Variants in GRID1 observed in about 807,000 individuals in gnomAD.
GRID1 encodes glutamate receptor ionotropic, delta-1.
In GRID1, 28 loss-of-function variants were observed where a neutral mutation model predicts 98.0. The ratio of observed to expected loss-of-function variants is 0.29; its 90% CI spans 0.21 to 0.39. GRID1 has a LOEUF of 0.39. GRID1 is among the 10% of genes least tolerant of loss of function. The pLI is 1.00. For missense variants in GRID1, 1,111 were observed against 1,340.5 expected (o/e 0.83, Z 2.67); for synonymous variants, 553 against 538.5 (o/e 1.03, Z -0.37).
At chr10:86,135,587 G>T (rs1844912407) in intron 4 of GRID1, among the ~76,000 whole-genome samples, 1 of 152,142 alleles carries the variant, frequency 6.6e-6, no homozygotes, top group African/African-American at 2.4e-5. Flanking sequence ...ACTGAGCGAG[G>T]GATGTGAGGG....
At chr10:85,807,971 G>C (rs77602574) in intron 8 of GRID1, among the ~76,000 whole-genome samples, 5,032 of 152,138 alleles carry the variant, frequency 0.033, 127 homozygotes, top group Non-Finnish European at 0.047. Context: ...GAGTTTAAAA[G>C]TAAAGCCCAG....
At chr10:85,873,767 T>A (rs1026157890) in intron 5 of GRID1, among the ~76,000 whole-genome samples, 1 of 152,228 alleles carries the variant, frequency 6.6e-6, no homozygotes, top group African/African-American at 2.4e-5. Flanking sequence ...TTTCTCAAAC[T>A]TCGTTGTGTA....
At chr10:86,021,463 T>C (rs1258928117) in intron 4 of GRID1, among the ~76,000 whole-genome samples, 4 of 152,174 alleles carry the variant, frequency 2.6e-5, no homozygotes, top group African/African-American at 9.7e-5. Flanking sequence ...TTTTGTTTGT[T>C]TGTTTCATTA....
intron 4 of GRID1, among the ~76,000 whole-genome samples, chr10:85,984,705 A>G (rs1842588461): frequency 6.6e-6 from 1 of 152,224 alleles, no homozygotes; most frequent in South Asian, 2.1e-4. Context: ...AGAGAGGCTC[A>G]GGAAGGGGAA....
intron 2 of GRID1, among the ~76,000 whole-genome samples, chr10:86,337,768 C>T (rs1263753772): frequency 8.4e-6 from 1 of 118,886 alleles, no homozygotes; most frequent in Non-Finnish European, 1.6e-5. Flanking sequence ...AGTGCAGTGA[C>T]ATGATCTCGG....
intron 14 of GRID1, among the ~76,000 whole-genome samples, chr10:85,614,055 C>T (rs2132514933): frequency 6.6e-6 from 1 of 152,326 alleles, no homozygotes; most frequent in East Asian, 1.9e-4. Flanking sequence ...TTCTTTTGAG[C>T]TTTCATTACT....
Position 85,762,557 on chromosome 10 carries a change from G to C in GRID1, c.1234-32943C>G, listed in dbSNP as rs191098073. ...TTGCTCCCCAGTCTGCCCCAATGTGGGAACTGTGCCTCAATCAGCTTTCTC... is the reference window on the plus strand; with the variant it reads ...TTGCTCCCCAGTCTGCCCCAATGTGCGAACTGTGCCTCAATCAGCTTTCTC... On this transcript the variant is annotated intron_variant, in intron 8 of 15. Transcript: ENST00000327946. Among the ~76,000 whole-genome samples the C allele has an allele frequency of 4.5e-3, 690 of 152,262 alleles. 4 individuals are homozygous for C. The highest frequency in any genetic ancestry group is 5.6e-3 in the Non-Finnish European group (380 of 68,012).
intron 4 of GRID1, among the ~76,000 whole-genome samples, chr10:86,073,954 G>C (rs944398237): frequency 7.3e-6 from 1 of 137,224 alleles, no homozygotes; most frequent in Admixed American, 7.2e-5. Flanking sequence ...TGACCAGTCT[G>C]GGGGAGGGTG....
At chr10:85,883,586 T>C (rs554039074) in intron 5 of GRID1, among the ~76,000 whole-genome samples, 1 of 151,836 alleles carries the variant, frequency 6.6e-6, no homozygotes, top group South Asian at 2.1e-4. Context: ...CTTTCTTCCT[T>C]GTTTTTTTCC....
At chr10:86,216,966 G>A (rs1846185474) in intron 2 of GRID1, among the ~76,000 whole-genome samples, 1 of 152,186 alleles carries the variant, frequency 6.6e-6, no homozygotes, top group Non-Finnish European at 1.5e-5. Flanking sequence ...GGCTGAAAAA[G>A]AGGATAAGGT....
At chr10:85,716,962 G>A (rs543153686) in intron 12 of GRID1, among the ~76,000 whole-genome samples, 2 of 152,238 alleles carry the variant, frequency 1.3e-5, no homozygotes, top group East Asian at 3.9e-4. Context: ...AGGGACTGGA[G>A]TGTGGGGGAA....
intron 12 of GRID1, among the ~76,000 whole-genome samples, chr10:85,717,121 C>T (rs1841648783): frequency 6.6e-6 from 1 of 152,186 alleles, no homozygotes; most frequent in Non-Finnish European, 1.5e-5. Flanking sequence ...ATATTCTCAT[C>T]ACATGCAAAA....
At chr10:85,851,172 A>T (rs983677789) in intron 8 of GRID1, among the ~76,000 whole-genome samples, 4 of 152,194 alleles carry the variant, frequency 2.6e-5, no homozygotes, top group African/African-American at 9.7e-5. Flanking sequence ...TGAGCCCTGA[A>T]AAAAACATGA....
chr10:86,362,029 C>T (rs1219852554), intron 2 of GRID1, among the ~76,000 whole-genome samples: 1 of 152,198 alleles, frequency 6.6e-6, no homozygotes, highest in African/African-American at 2.4e-5. Flanking sequence ...CTTGGATACT[C>T]AACACTGCAG....
intron 12 of GRID1, among the ~76,000 whole-genome samples, chr10:85,707,793 A>G (rs1002258739): frequency 6.6e-6 from 1 of 152,192 alleles, no homozygotes; most frequent in Non-Finnish European, 1.5e-5. Context: ...ATAAAAAATG[A>G]TGAGTTCATG....
intron 5 of GRID1, among the ~76,000 whole-genome samples, chr10:85,872,928 T>C (rs1214035484): frequency 1.3e-5 from 2 of 152,174 alleles, no homozygotes; most frequent in Non-Finnish European, 2.9e-5. Flanking sequence ...ATATTTGCAA[T>C]CAGAATCTAA....
chr10:86,021,223 C>G (rs1021195526), intron 4 of GRID1, among the ~76,000 whole-genome samples: 1 of 152,162 alleles, frequency 6.6e-6, no homozygotes, highest in Non-Finnish European at 1.5e-5. Flanking sequence ...CATTAACTCC[C>G]TATCTGGGCT....
chr10:85,945,270 T>C (rs1457797848), intron 4 of GRID1, among the ~76,000 whole-genome samples: 3 of 152,252 alleles, frequency 2.0e-5, no homozygotes, highest in Non-Finnish European at 4.4e-5. Context: ...TGATTAATAG[T>C]ACAAAATCTT....
intron 4 of GRID1, among the ~76,000 whole-genome samples, chr10:85,948,895 A>G (rs1842083929): frequency 6.6e-6 from 1 of 152,240 alleles, no homozygotes; most frequent in Admixed American, 6.5e-5. Context: ...AGGTAATACG[A>G]TATTTCATTG....
Sources: gnomAD v4.1 joint callset for allele counts (sites outside exome capture counted in the v4.1 genomes callset) on GRCh38, gnomAD v4.1.1 for gene constraint, MANE v1.5 for transcripts, NCBI Gene and HGNC (gene_info 2026-07-23, HGNC 2026-07-21) for gene names.